The following RET variants were observed in gnomAD, a reference collection of about 807,000 sequenced individuals.
RET encodes proto-oncogene tyrosine-protein kinase receptor Ret.
RET carries 19 observed loss-of-function variants against 118.3 expected under a neutral mutation model. The ratio of observed to expected loss-of-function variants is 0.16; its 90% CI spans 0.11 to 0.24. The LOEUF (loss-of-function observed/expected upper bound fraction) is 0.24, where lower values mean the gene tolerates loss of function less well. Ranked by LOEUF, RET falls within the 10% of genes least tolerant of loss-of-function variation. The pLI is 1.00. For missense variants in RET, 1,219 were observed against 1,502.1 expected (o/e 0.81, Z 3.12); for synonymous variants, 597 against 644.1 (o/e 0.93, Z 1.11).
chr10:43,122,092 G>A lies in RET; in HGVS notation c.2801+76G>A, dbSNP rs185060984. The stretch of plus-strand genomic sequence containing the variant: ...TACATGTAGTGGGGCCACGACGCCC[G>A]TCTGTGCAGCTTGGCCAGGGAATTG... On this transcript the variant is annotated intron_variant, in intron 16 of 19. Transcript: ENST00000355710. 219 of 1,172,942 alleles carry A rather than the reference G, an allele frequency of 1.9e-4. 1 individual carries two copies. The highest frequency in any genetic ancestry group is 1.2e-3 in the Admixed American group (71 of 59,408). The allele number at this position is 1,172,942 out of a possible 1,614,324, so 72.7% of individuals were successfully genotyped here.
In RET at chr10:43,126,488, C is replaced by G; in HGVS notation, c.3040-87C>G. 3 of 1,193,376 alleles carry G rather than the reference C, an allele frequency of 2.5e-6. No individual in the cohort carries two copies. In the South Asian group the frequency reaches 3.6e-5, roughly 14 times the overall value. 73.9% of individuals were successfully genotyped at this position (1,193,376 alleles called of 1,614,324 possible). On this transcript the variant is annotated intron_variant, in intron 18 of 19. Coordinates refer to ENST00000355710, the MANE Select transcript of RET (RefSeq NM_020975.6). ...TGCGAGGTGGAGACACAGCCAGAGCCTCTGCCCTGAGGATGGCTTGTTGTA... is the reference window on the plus strand; with the variant it reads ...TGCGAGGTGGAGACACAGCCAGAGCGTCTGCCCTGAGGATGGCTTGTTGTA...
chr10:43,106,689 C>A lies in RET; in HGVS notation c.1063+118C>A. On this transcript the variant is annotated intron_variant, in intron 5 of 19. Coordinates refer to ENST00000355710, the MANE Select transcript of RET (RefSeq NM_020975.6). This position sits in a 1 kb window ranked among gnomAD's most constrained non-coding sequence, Gnocchi z 5.1. ...CTGGCATGGCCCTCTGTGGCCCAAG[C>A]CACTTCCCCTCCACCCTCTGCCCAG... The A allele has an allele frequency of 9.5e-7, 1 of 1,057,248 alleles. No homozygotes were observed. The highest frequency in any genetic ancestry group is 1.4e-6 in the Non-Finnish European group (1 of 714,260). 65.5% of individuals were successfully genotyped at this position (1,057,248 alleles called of 1,614,324 possible).
At chr10:43,083,170 C>G (rs1244278330) in intron 1 of RET, among the ~76,000 whole-genome samples, 1 of 152,208 alleles carries the variant, frequency 6.6e-6, no homozygotes, top group East Asian at 1.9e-4. Context: ...AAGGGGCCAG[C>G]CTGGCTATGG....
At position 43,120,183 on chromosome 10, in the gene RET, T is replaced by A. The variant is rs1588877711; in HGVS notation, c.2710T>A (p.Ser904Thr). 1 of 1,613,252 alleles carries A rather than the reference T, an allele frequency of 6.2e-7. No individual in the cohort carries two copies. Among genetic ancestry groups the A allele is most frequent in the South Asian group, 1.1e-5 (1 of 91,018 alleles). Residue 904 changes from serine (S) to threonine (T), a missense_variant, in exon 15 of 20, where the codon TCC becomes ACC. Physicochemically the swap from Ser to Thr is moderately conservative, Grantham distance 58 (BLOSUM62 1). This residue lies in a region of RET where 73 missense variants were observed against 156.5 expected (regional missense o/e 0.47). Transcript: ENST00000355710. ...GTCCCGAGATGTTTATGAAGAGGAT[T>A]CCTACGTGAAGAGGAGCCAGGTGCC... Reference protein sequence around the residue: ...GLSRDVYEEDSYVKRSQGRIP... With the variant: ...GLSRDVYEEDTYVKRSQGRIP...
intron 15 of RET, among the ~76,000 whole-genome samples, chr10:43,121,072 A>T (rs1838206983): frequency 6.6e-6 from 1 of 152,168 alleles, no homozygotes; most frequent in Non-Finnish European, 1.5e-5. Flanking sequence ...GTGACAGCAG[A>T]TCTCAGAACT....
At chr10:43,101,889 C>G (rs1482373007) in intron 2 of RET, among the ~76,000 whole-genome samples, 1 of 152,226 alleles carries the variant, frequency 6.6e-6, no homozygotes, top group Non-Finnish European at 1.5e-5. Flanking sequence ...GCTGGGAAAG[C>G]CCTCGCAGCC....
intron 1 of RET, among the ~76,000 whole-genome samples, chr10:43,087,619 A>ATGCAGTGT (rs1221160400): frequency 2.0e-5 from 3 of 152,226 alleles, no homozygotes; most frequent in African/African-American, 7.2e-5. Context: ...CCAGGGGCTG[A>ATGCAGTGT]TGCAGTGTGC....
intron 3 of RET, chr10:43,104,714 C>T (rs770133976): frequency 4.7e-6 from 3 of 639,006 alleles, no homozygotes; most frequent in East Asian, 5.6e-5. Flanking sequence ...GAGGACGCAG[C>T]TGCAGCAGGA....
intron 3 of RET, chr10:43,104,608 G>A: frequency 2.2e-6 from 1 of 453,378 alleles, no homozygotes. Context: ...CCCACACAAG[G>A]CCACTCCTGA....
chr10:43,102,016 G>A (rs1031926272), intron 2 of RET, among the ~76,000 whole-genome samples: 1 of 152,198 alleles, frequency 6.6e-6, no homozygotes, highest in African/African-American at 2.4e-5. Flanking sequence ...TGGCAGGGGG[G>A]GTGCTGGTCA....
Position 43,112,874 on chromosome 10 carries a change from C to T in RET, c.1670C>T (p.Thr557Ile), listed in dbSNP as rs2132813609. 6.2e-7 allele frequency: 1 copy of T among 1,614,080 alleles called. No individual in the cohort carries two copies. Among genetic ancestry groups the T allele is most frequent in the Non-Finnish European group, 8.5e-7 (1 of 1,179,976 alleles). Reference sequence around the variant, plus strand: ...GCAGGGATCACCAGGAACTTCTCCACCTGCTCTCCCAGCACCAAGACCTGC... The same window carrying T: ...GCAGGGATCACCAGGAACTTCTCCATCTGCTCTCCCAGCACCAAGACCTGC... ...DGKGITRNFS[T>I]CSPSTKTCPD... The change falls in exon 9 of 20, where the codon ACC becomes ATC. Residue 557 changes from threonine (T) to isoleucine (I), a missense_variant. Physicochemically the swap from Thr to Ile is moderately conservative, Grantham distance 89. Transcript: ENST00000355710.
intron 1 of RET, among the ~76,000 whole-genome samples, chr10:43,086,787 C>T (rs543652410): frequency 7.2e-4 from 109 of 152,394 alleles, no homozygotes; most frequent in African/African-American, 2.5e-3. Flanking sequence ...GAGCGCCCAT[C>T]ATCCTGGCCA....
chr10:43,092,525 C>T (rs944914225), intron 1 of RET, among the ~76,000 whole-genome samples: 2 of 152,156 alleles, frequency 1.3e-5, no homozygotes, highest in Admixed American at 6.5e-5. Flanking sequence ...TTATATACAC[C>T]TCCAAATTTG....
intron 1 of RET, among the ~76,000 whole-genome samples, chr10:43,099,540 A>ATAAG (rs1837590152): frequency 2.0e-5 from 3 of 151,692 alleles, no homozygotes; most frequent in Non-Finnish European, 4.4e-5. Context: ...AAATAAATAA[A>ATAAG]TAAATAAATA....
chr10:43,121,203 A>G (rs936173567), intron 15 of RET, among the ~76,000 whole-genome samples: 6 of 152,246 alleles, frequency 3.9e-5, no homozygotes, highest in Non-Finnish European at 8.8e-5. Context: ...CAAGACGTGC[A>G]GGCTACACTG....
chr10:43,112,933 G>A lies in RET; in HGVS notation c.1729G>A (p.Asp577Asn), dbSNP rs2132816338. The change falls in exon 9 of 20, where the codon GAC becomes AAC. Residue 577 changes from aspartate (D) to asparagine (N), a missense_variant. Asp to Asn is a conservative substitution (Grantham distance 23). Transcript: ENST00000355710. The stretch of plus-strand genomic sequence containing the variant: ...CCACTGCGATGTTGTGGAGACCCAA[G>A]ACATCAACATTTGCCCTCAGGACTG... The part of the protein sequence containing the change: ...DGHCDVVETQ[D>N]INICPQDCLR... The A allele has an allele frequency of 6.2e-7, 1 of 1,614,146 alleles. No individual in the cohort carries two copies. Among genetic ancestry groups the A allele is most frequent in the Non-Finnish European group, 8.5e-7 (1 of 1,179,992 alleles).
In RET at chr10:43,119,626, G is replaced by A. The variant is rs200127630; in HGVS notation, c.2488G>A (p.Gly830Arg). The change falls in exon 14 of 20, where the codon GGA (glycine) becomes AGA (arginine). Residue 830 changes from glycine (G) to arginine (R), a missense_variant. By Grantham distance (125) the Gly-to-Arg change is moderately radical (BLOSUM62 -2). Transcript: ENST00000355710. ...RKVGPGYLGS[G>R]GSRNSSSLDH... Reference sequence around the variant, plus strand: ...AGTGGGGCCTGGCTACCTGGGCAGTGGAGGCAGCCGCAACTCCAGCTCCCT... The same window carrying A: ...AGTGGGGCCTGGCTACCTGGGCAGTAGAGGCAGCCGCAACTCCAGCTCCCT... 22 of 1,612,834 alleles carry A rather than the reference G, an allele frequency of 1.4e-5. No individual in the cohort carries two copies. The East Asian group carries it at 4.5e-4, about 33-fold the overall frequency.
chr10:43,111,582 C>A (rs2132781320), intron 7 of RET, 117 bp downstream of exon 7: 1 of 1,178,694 alleles, frequency 8.5e-7, no homozygotes, highest in Non-Finnish European at 1.2e-6. Context: ...GTGGGGAAGG[C>A]ATGGACCAGC....
chr10:43,113,533 G>T (rs750538990), intron 9 of RET, 23 bp from the exon 10 acceptor site: 3 of 1,594,976 alleles, frequency 1.9e-6, no homozygotes, highest in South Asian at 1.1e-5. Flanking sequence ...CCAGGAGGCT[G>T]AGTGGGCTAC....
Sources: gnomAD v4.1 joint callset for allele counts (sites outside exome capture counted in the v4.1 genomes callset) on GRCh38, gnomAD v4.1.1 for gene constraint, gnomAD v4.1.1 regional missense constraint, Gnocchi (gnomAD v3.1) non-coding constraint, MANE v1.5 for transcripts, NCBI Gene and HGNC (gene_info 2026-07-23, HGNC 2026-07-21) for gene names.